The following MGAM2 variants were observed in gnomAD, a reference collection of about 807,000 sequenced individuals.
MGAM2 encodes probable maltase-glucoamylase 2.
A neutral mutation model predicts 96.1 loss-of-function variants in MGAM2; 98 were observed. The ratio of observed to expected loss-of-function variants is 1.02; its 90% confidence interval spans 0.87 to 1.21. The LOEUF (loss-of-function observed/expected upper bound fraction) is 1.21, where lower values mean the gene tolerates loss of function less well. Among genes scored for constraint, MGAM2 ranks in the 50% most tolerant of loss-of-function variants. The pLI is 0.00. For missense variants in MGAM2, 2,055 were observed against 1,182.4 expected (o/e 1.74, Z -10.82); for synonymous variants, 749 against 414.8 (o/e 1.81, Z -9.79).
At chr7:142,181,407 A>G (rs4373444) in intron 32 of MGAM2, among the ~76,000 whole-genome samples, 28,763 of 152,068 alleles carry the variant, frequency 0.19, 3,006 homozygotes, top group East Asian at 0.34. Context: ...GATACAGTAG[A>G]TGGTGTTTAA....
intron 32 of MGAM2, among the ~76,000 whole-genome samples, chr7:142,179,788 A>T (rs910565313): frequency 6.6e-6 from 1 of 152,064 alleles, no homozygotes; most frequent in African/African-American, 2.4e-5. Flanking sequence ...GGATTTTTGC[A>T]TCTATGTTCA....
chr7:142,168,534 T>C (rs1175049418), intron 26 of MGAM2, among the ~76,000 whole-genome samples: 2 of 152,168 alleles, frequency 1.3e-5, no homozygotes, highest in Non-Finnish European at 2.9e-5. Flanking sequence ...CCTCCCAAAA[T>C]GCTGGGATTA....
rs1350818104 is a variant in MGAM2, at chr7:142,198,186, C to T, written c.4914C>T (p.Asp1638=). The change falls in exon 43 of 48, where the codon GAC becomes GAT. Residue 1638 remains aspartate, a synonymous_variant. Coordinates refer to ENST00000477922, the MANE Select transcript of MGAM2 (RefSeq NM_001293626.2). ...SAYFPRARWY[D]YSTGTSSTST... ...ATTTTCCGAGAGCCCGTTGGTATGA[C>T]TATAGCACGGTAAGAACTAATATAT... 3 of 702,818 alleles carry T rather than the reference C, an allele frequency of 4.3e-6. No individual in the cohort carries two copies. Among genetic ancestry groups the T allele is most frequent in the East Asian group, 2.7e-5 (1 of 37,282 alleles). 43.5% of individuals were successfully genotyped at this position (702,818 alleles called of 1,614,324 possible). A position where few individuals can be genotyped will look rare whatever the true frequency, so the allele number is the denominator to read the frequency against.
In MGAM2 at chr7:142,161,137, C is replaced by T. The variant is rs555200135; in HGVS notation, c.2358C>T (p.Ser786=). 4.3e-6 allele frequency: 3 copies of T among 702,612 alleles called. No homozygotes were observed. Among genetic ancestry groups the T allele is most frequent in the South Asian group, 1.5e-5 (1 of 67,584 alleles). 43.5% of individuals were successfully genotyped at this position (702,612 alleles called of 1,614,324 possible). ...NTTTEASRRN[S]LGLIIALDYK... ...TACTCTTTTACAGCCGGAGGAATTC[C>T]CTGGGACTCATCATCGCCTTGGACT... is the stretch of plus-strand genomic sequence containing the variant. Residue 786 remains serine, a synonymous_variant, in exon 22 of 48, where the codon TCC becomes TCT. Transcript: ENST00000477922.
At chr7:142,199,232 T>C (rs535904131) in intron 44 of MGAM2, among the ~76,000 whole-genome samples, 6 of 152,280 alleles carry the variant, frequency 3.9e-5, no homozygotes, top group African/African-American at 1.4e-4. Context: ...ATAAAATCAT[T>C]GATTAAACAG....
At chr7:142,184,571 G>C (rs528679397) in intron 33 of MGAM2, among the ~76,000 whole-genome samples, 1 of 152,296 alleles carries the variant, frequency 6.6e-6, no homozygotes, top group African/African-American at 2.4e-5. Context: ...ATTAATCAGT[G>C]TGTATATACT....
intron 1 of MGAM2, among the ~76,000 whole-genome samples, chr7:142,114,631 A>T (rs1356158370): frequency 6.6e-6 from 1 of 152,204 alleles, no homozygotes; most frequent in Non-Finnish European, 1.5e-5. Flanking sequence ...ACAATAAGAG[A>T]TAATTGGTGG....
At chr7:142,198,219 G>T in intron 43 of MGAM2, 24 bp downstream of exon 43, 1 of 701,576 alleles carries the variant, frequency 1.4e-6, no homozygotes. Flanking sequence ...TATTTGTGAA[G>T]AACCAGTTTG....
intron 46 of MGAM2, among the ~76,000 whole-genome samples, chr7:142,209,909 C>T (rs1395128044): frequency 1.3e-5 from 2 of 152,192 alleles, no homozygotes; most frequent in South Asian, 2.1e-4. Context: ...GATTTGTGGG[C>T]TTCCTGGGCA....
At chr7:142,215,116 C>G (rs1797716396) in intron 46 of MGAM2, among the ~76,000 whole-genome samples, 1 of 152,154 alleles carries the variant, frequency 6.6e-6, no homozygotes. Context: ...GAATAGTATG[C>G]AGCCATAAAA....
chr7:142,216,279 C>T (rs1361648431), intron 46 of MGAM2, among the ~76,000 whole-genome samples: 1 of 152,100 alleles, frequency 6.6e-6, no homozygotes, highest in Non-Finnish European at 1.5e-5. Flanking sequence ...TTTTAATGAT[C>T]TGGAAGTCCT....
intron 10 of MGAM2, 51 bp from the exon 11 acceptor site, chr7:142,140,751 A>G: frequency 1.5e-6 from 1 of 656,496 alleles, no homozygotes; most frequent in Non-Finnish European, 2.7e-6. Flanking sequence ...AATACTTTCC[A>G]TCAGCACAGT....
intron 37 of MGAM2, among the ~76,000 whole-genome samples, chr7:142,191,469 T>C (rs1796865692): frequency 6.6e-6 from 1 of 152,196 alleles, no homozygotes; most frequent in Non-Finnish European, 1.5e-5. Flanking sequence ...TTTTTGTGTA[T>C]GGTGTGAGGT....
At chr7:142,140,772 A>G (rs1795197019) in intron 10 of MGAM2, 30 bp from the exon 11 acceptor site, 3 of 693,836 alleles carry the variant, frequency 4.3e-6, no homozygotes, top group Non-Finnish European at 7.8e-6. Flanking sequence ...GCTGTTTCCT[A>G]GGTTCTGATT....
chr7:142,130,858 C>T, intron 3 of MGAM2, 90 bp from the exon 4 acceptor site: 3 of 628,654 alleles, frequency 4.8e-6, no homozygotes, highest in Non-Finnish European at 8.7e-6. Context: ...CTTAAATTCT[C>T]CTTGGAATAA....
At chr7:142,174,721 T>TTTTTTTTTTTC (rs1796313370) in intron 31 of MGAM2, among the ~76,000 whole-genome samples, 2 of 125,186 alleles carry the variant, frequency 1.6e-5, no homozygotes, top group African/African-American at 3.3e-5. Flanking sequence ...CTCTCTTTTT[T>TTTTTTTTTTTC]TTTTTTTTTT....
intron 1 of MGAM2, among the ~76,000 whole-genome samples, chr7:142,115,406 G>C (rs955322879): frequency 6.6e-6 from 1 of 152,184 alleles, no homozygotes; most frequent in Non-Finnish European, 1.5e-5. Context: ...AGCAGATAGA[G>C]AGCGAGGAAG....
chr7:142,207,727 C>T (rs1326103979), intron 45 of MGAM2, among the ~76,000 whole-genome samples: 1 of 152,062 alleles, frequency 6.6e-6, no homozygotes, highest in Admixed American at 6.5e-5. Context: ...CCGCGCCCAG[C>T]CCAGCAAAGG....
At chr7:142,122,026 A>G (rs553306272) in intron 3 of MGAM2, among the ~76,000 whole-genome samples, 2 of 152,120 alleles carry the variant, frequency 1.3e-5, no homozygotes, top group Non-Finnish European at 2.9e-5. Context: ...GTTAGGAACC[A>G]TCTTTATATT....
Sources: gnomAD v4.1 joint callset for allele counts (sites outside exome capture counted in the v4.1 genomes callset) on GRCh38, gnomAD v4.1.1 for gene constraint, MANE v1.5 for transcripts, NCBI Gene and HGNC (gene_info 2026-07-23, HGNC 2026-07-21) for gene names.